Variants in CHSY3 observed in about 807,000 individuals in gnomAD.
CHSY3 encodes N-acetylgalactosaminyl-proteoglycan 3-beta-glucuronosyltransferase 3.
CHSY3 carries 35 observed loss-of-function variants against 67.2 expected under a neutral mutation model. That is an observed-to-expected ratio of 0.52 (90% CI 0.40 to 0.69). CHSY3 has a LOEUF of 0.69. Among genes scored for constraint, CHSY3 ranks in the 30% least tolerant of loss-of-function variants. CHSY3 has a pLI of 0.00. For missense variants in CHSY3, 1,069 were observed against 1,138.5 expected, an observed-to-expected ratio of 0.94 and a Z score of 0.88; for synonymous variants, 474 against 434.7, an observed-to-expected ratio of 1.09 and a Z score of -1.12.
intron 2 of CHSY3, among the ~76,000 whole-genome samples, chr5:130,154,005 C>G (rs1223943230): frequency 6.6e-6 from 1 of 152,114 alleles, no homozygotes; most frequent in African/African-American, 2.4e-5. Context: ...CAACCTCCAC[C>G]TCTCAGTTTC....
In CHSY3 at chr5:130,184,639, C is replaced by T; in HGVS notation, c.1497C>T (p.Val499=). ...SILRTALDDT[V]LQVMEMINEN... ...TAAGAACAGCACTGGATGATACCGT[C>T]CTACAGGTGATGGAGATGATCAATG... Residue 499 remains valine, a synonymous_variant, in exon 3 of 3, where the codon GTC becomes GTT. Transcript: ENST00000305031. 6.2e-7 allele frequency: 1 copy of T among 1,605,536 alleles called. No individual in the cohort carries two copies. Among genetic ancestry groups the T allele is most frequent in the Non-Finnish European group, 8.5e-7 (1 of 1,172,192 alleles).
At position 130,143,734 on chromosome 5, in the gene CHSY3, GTA is replaced by G. The variant is rs372062970; in HGVS notation, c.1087-40473_1087-40472del. The stretch of plus-strand genomic sequence containing the variant: ...TATATATATATATGTGTGTGTGTGT[GTA>G]TATATATATATATATATATATGTGT... On this transcript the variant is annotated intron_variant, in intron 2 of 2. Coordinates refer to ENST00000305031, the MANE Select transcript of CHSY3 (RefSeq NM_175856.5). 4.3e-3 allele frequency among the ~76,000 whole-genome samples: 402 copies of G among 94,560 alleles called. 5 individuals are homozygous for G. The highest frequency in any genetic ancestry group is 0.011 in the East Asian group (24 of 2,104). 62.0% of individuals were successfully genotyped at this position (94,560 alleles called of 152,430 possible).
intron 2 of CHSY3, among the ~76,000 whole-genome samples, chr5:129,909,213 T>C (rs979618140): frequency 1.3e-5 from 2 of 152,148 alleles, no homozygotes; most frequent in African/African-American, 4.8e-5. Context: ...AAAATTTATT[T>C]AACATTAAAA....
intron 2 of CHSY3, among the ~76,000 whole-genome samples, chr5:130,178,227 T>TTATATATATATATATA (rs1554088379): frequency 1.4e-4 from 9 of 65,820 alleles, no homozygotes; most frequent in African/African-American, 3.3e-4. Context: ...ATATTTATAT[T>TTATATATATATATATA]TATATATATA....
intron 2 of CHSY3, among the ~76,000 whole-genome samples, chr5:129,956,980 G>T (rs932650697): frequency 6.6e-5 from 10 of 151,818 alleles, no homozygotes; most frequent in Admixed American, 1.3e-4. Context: ...TGTAAAATTG[G>T]TTTTTTTCTA....
intron 2 of CHSY3, among the ~76,000 whole-genome samples, chr5:129,997,513 CT>C (rs201881568): frequency 2.9e-4 from 32 of 108,538 alleles, no homozygotes; most frequent in Non-Finnish European, 3.6e-4. Context: ...ACATTTCACT[CT>C]TTTTTTTTAA....
At chr5:130,080,041 C>CACACAT (rs896087057) in intron 2 of CHSY3, among the ~76,000 whole-genome samples, 2 of 147,956 alleles carry the variant, frequency 1.4e-5, no homozygotes, top group Non-Finnish European at 3.0e-5. Flanking sequence ...TGAACATACA[C>CACACAT]ACACACACAC....
chr5:130,168,374 C>G (rs1188902398), intron 2 of CHSY3, among the ~76,000 whole-genome samples: 1 of 152,084 alleles, frequency 6.6e-6, no homozygotes, highest in Non-Finnish European at 1.5e-5. Context: ...AGTCTTCGCC[C>G]TTTCTCCCTG....
At position 130,054,737 on chromosome 5, in the gene CHSY3, G is replaced by A. The variant is rs558721543; in HGVS notation, c.1087-129492G>A. On this transcript the variant is annotated intron_variant, in intron 2 of 2. Coordinates refer to ENST00000305031, the MANE Select transcript of CHSY3 (RefSeq NM_175856.5). ...ATTAATGTTATGAGAATAATGAAGT[G>A]TTTTAGTATTAATAAATACTAGCTT... 2.0e-5 allele frequency among the ~76,000 whole-genome samples: 3 copies of A among 152,268 alleles called. No individual in the cohort carries two copies. In the South Asian group the frequency reaches 6.2e-4, roughly 32 times the overall value.
intron 2 of CHSY3, among the ~76,000 whole-genome samples, chr5:129,959,217 A>C (rs532231661): frequency 6.6e-6 from 1 of 152,244 alleles, no homozygotes. Context: ...ATTTTTAGAT[A>C]CTTTTGCCTA....
intron 2 of CHSY3, among the ~76,000 whole-genome samples, chr5:130,072,382 A>G (rs1249870262): frequency 6.6e-6 from 1 of 152,102 alleles, no homozygotes; most frequent in Non-Finnish European, 1.5e-5. Flanking sequence ...GCATGTGGAT[A>G]TCCAGTTTTC....
rs535233532 is a variant in CHSY3, at chr5:129,905,308, G to A, written c.479G>A (p.Gly160Glu). The change falls in exon 1 of 3, where the codon GGG (glycine) becomes GAG (glutamate). Residue 160 changes from glycine (G) to glutamate (E), a missense_variant. Around this residue, in one of 5 missense-constraint regions of CHSY3, gnomAD observed 309 missense variants for 262.5 expected, o/e 1.18. Coordinates refer to ENST00000305031, the MANE Select transcript of CHSY3 (RefSeq NM_175856.5). The stretch of plus-strand genomic sequence containing the variant: ...AGTAGCCACAACGGCAGCGGGGACG[G>A]GGGCGCTGCCGCCCCGAGCGCCCGA... ...PGSSHNGSGD[G>E]GAAAPSARPR... The A allele has an allele frequency of 2.3e-4, 339 of 1,504,118 alleles. 1 individual carries two copies. The highest frequency in any genetic ancestry group is 2.1e-3 in the Middle Eastern group (11 of 5,244). The allele number at this position is 1,504,118 out of a possible 1,614,324, so 93.2% of individuals were successfully genotyped here.
intron 2 of CHSY3, among the ~76,000 whole-genome samples, chr5:130,175,728 C>A (rs906023480): frequency 6.6e-6 from 1 of 152,132 alleles, no homozygotes; most frequent in Non-Finnish European, 1.5e-5. Context: ...TGATCTTTGA[C>A]AAACCTGACA....
intron 2 of CHSY3, among the ~76,000 whole-genome samples, chr5:130,064,895 A>G (rs1765833807): frequency 6.6e-6 from 1 of 152,166 alleles, no homozygotes; most frequent in Admixed American, 6.6e-5. Context: ...TGCCTCTCTG[A>G]GGAGCTGCCT....
Position 129,976,913 on chromosome 5 carries a change from C to CATATATAT in CHSY3, c.1086+68566_1086+68573dup, listed in dbSNP as rs5871372. The stretch of plus-strand genomic sequence containing the variant: ...TCTTGTTTATTACATATAGAGAAGA[C>CATATATAT]ATATATATATATATATATATGATAT... On this transcript the variant is annotated intron_variant, in intron 2 of 2. Transcript: ENST00000305031. Among the ~76,000 whole-genome samples the CATATATAT allele has an allele frequency of 5.9e-3, 859 of 146,532 alleles. 2 individuals are homozygous for CATATATAT. The highest frequency in any genetic ancestry group is 0.011 in the Admixed American group (160 of 14,542).
intron 2 of CHSY3, among the ~76,000 whole-genome samples, chr5:130,082,645 T>C (rs767607152): frequency 2.0e-5 from 3 of 152,034 alleles, no homozygotes; most frequent in Non-Finnish European, 4.4e-5. Flanking sequence ...CTATTGGCCA[T>C]ACTGTGTTTT....
chr5:129,931,685 T>C (rs1761314659), intron 2 of CHSY3, among the ~76,000 whole-genome samples: 2 of 152,190 alleles, frequency 1.3e-5, no homozygotes, highest in African/African-American at 4.8e-5. Context: ...CTTTTTACTC[T>C]GCCTTTTCTT....
chr5:129,971,077 G>C (rs1164104550), intron 2 of CHSY3, among the ~76,000 whole-genome samples: 3 of 151,812 alleles, frequency 2.0e-5, no homozygotes, highest in Admixed American at 1.3e-4. Flanking sequence ...GAAGAAAATA[G>C]TATATTTGGA....
At chr5:129,965,577 T>C (rs570799677) in intron 2 of CHSY3, among the ~76,000 whole-genome samples, 1 of 152,018 alleles carries the variant, frequency 6.6e-6, no homozygotes, top group East Asian at 1.9e-4. Flanking sequence ...CCAGTGCTTC[T>C]GTGAGTCATT....
Sources: gnomAD v4.1 joint callset for allele counts (sites outside exome capture counted in the v4.1 genomes callset) on GRCh38, gnomAD v4.1.1 for gene constraint, gnomAD v4.1.1 regional missense constraint, MANE v1.5 for transcripts, NCBI Gene and HGNC (gene_info 2026-07-23, HGNC 2026-07-21) for gene names.